The following ZC3H7A variants were observed in gnomAD, a reference collection of about 807,000 sequenced individuals.
ZC3H7A encodes the protein zinc finger CCCH-type containing 7A, also known as zinc finger CCCH domain-containing protein 7A.
Under a neutral mutation model 125.5 loss-of-function variants are expected in ZC3H7A, and 44 were observed. The ratio of observed to expected loss-of-function variants is 0.35; its 90% CI spans 0.28 to 0.45. ZC3H7A has a LOEUF of 0.45. ZC3H7A is among the 20% of genes least tolerant of loss of function. The pLI, the probability that ZC3H7A is intolerant of heterozygous loss-of-function variation, is 1.00. For missense variants in ZC3H7A, 977 were observed against 1,170.7 expected (o/e 0.83, Z 2.41); for synonymous variants, 399 against 391.2 (o/e 1.02, Z -0.23).
intron 9 of ZC3H7A, among the ~76,000 whole-genome samples, chr16:11,773,528 G>T (rs1451082201): frequency 6.6e-6 from 1 of 151,870 alleles, no homozygotes; most frequent in South Asian, 2.1e-4. Flanking sequence ...TAGCCTGTGG[G>T]CTACAGTTGG....
intron 20 of ZC3H7A, among the ~76,000 whole-genome samples, chr16:11,757,483 CAAAAA>C (rs61471026): frequency 2.2e-4 from 9 of 40,972 alleles, no homozygotes; most frequent in East Asian, 6.6e-4. Flanking sequence ...GACTCTGTCT[CAAAAA>C]AAAAAAAAAA....
chr16:11,766,108 A>C (rs926679132), intron 13 of ZC3H7A, among the ~76,000 whole-genome samples: 3 of 152,170 alleles, frequency 2.0e-5, no homozygotes, highest in African/African-American at 4.8e-5. Context: ...GAAAAAAAAA[A>C]AAATCATTTA....
intron 1 of ZC3H7A, among the ~76,000 whole-genome samples, chr16:11,791,801 G>A (rs1225626423): frequency 6.6e-6 from 1 of 152,176 alleles, no homozygotes; most frequent in Non-Finnish European, 1.5e-5. Flanking sequence ...TGGAGACAGC[G>A]ACGGAAAAAA....
intron 7 of ZC3H7A, chr16:11,775,569 A>C (rs1360760249): frequency 6.6e-6 from 1 of 152,256 alleles, no homozygotes; most frequent in Non-Finnish European, 1.5e-5. Flanking sequence ...AAGGCTATTC[A>C]GCAGAATAAC....
At chr16:11,755,718 C>G (rs1222189265) in intron 21 of ZC3H7A, among the ~76,000 whole-genome samples, 1 of 152,166 alleles carries the variant, frequency 6.6e-6, no homozygotes, top group African/African-American at 2.4e-5. Context: ...ACTTATGATT[C>G]TCTGGCTCCA....
In ZC3H7A at chr16:11,776,452, C is replaced by T; in HGVS notation, c.546G>A (p.Glu182=). The change falls in exon 6 of 23, where the codon GAG becomes GAA. Residue 182 remains glutamate (E), a splice_region_variant and synonymous_variant. Coordinates refer to ENST00000355758, the MANE Select transcript of ZC3H7A (RefSeq NM_014153.4). ...CCTTATGCAGAGAACTCCAGCTTAC[C>T]TCAGCTCTGACATACGCTTTTCTTA... The part of the protein sequence containing the change: ...FKIRKAYVRA[E]LSLKSVPGDG... The T allele has an allele frequency of 3.7e-6, 6 of 1,609,604 alleles. No homozygotes were observed. Among genetic ancestry groups the T allele is most frequent in the Non-Finnish European group, 5.1e-6 (6 of 1,178,790 alleles).
intron 1 of ZC3H7A, among the ~76,000 whole-genome samples, chr16:11,794,167 G>A (rs925143936): frequency 3.9e-5 from 6 of 152,132 alleles, no homozygotes; most frequent in South Asian, 2.1e-4. Context: ...ATACCACCAC[G>A]ATGTACCCAA....
In ZC3H7A at chr16:11,786,860, C is replaced by T. The variant is rs184121499; in HGVS notation, c.-34-4472G>A. Among the ~76,000 whole-genome samples, 46 of 152,272 alleles carry T rather than the reference C, an allele frequency of 3.0e-4. No individual in the cohort carries two copies. In the East Asian group the frequency reaches 6.7e-3, roughly 22 times the overall value. On this transcript the variant is annotated intron_variant, in intron 1 of 22. Coordinates refer to ENST00000355758, the MANE Select transcript of ZC3H7A (RefSeq NM_014153.4). ...GCCCATCTTTATCTATCTGCTCATC[C>T]TTCTGTTCATTCATCAGTCCGTCTT...
chr16:11,785,764 C>T (rs545808150), intron 1 of ZC3H7A, among the ~76,000 whole-genome samples: 39 of 152,260 alleles, frequency 2.6e-4, no homozygotes, highest in South Asian at 1.2e-3. Context: ...GGACTACAGG[C>T]GCCCGCCACC....
chr16:11,768,359 G>C lies in ZC3H7A; in HGVS notation c.1316C>G (p.Thr439Ser). ...SVTPRHPLEGTHELRQACQIC... is the reference protein window; with the variant it reads ...SVTPRHPLEGSHELRQACQIC... The stretch of plus-strand genomic sequence containing the variant: ...CTGGCAAGCTTGTCTCAATTCATGG[G>C]TTCCTTCGAGGGGATGTCTTGGAGT... Residue 439 changes from threonine (T) to serine (S), a missense_variant, in exon 12 of 23, where the codon ACC (threonine) becomes AGC (serine). Around this residue, in one of 3 missense-constraint regions of ZC3H7A, gnomAD observed 342 missense variants for 311.3 expected, o/e 1.10. Coordinates refer to ENST00000355758, the MANE Select transcript of ZC3H7A (RefSeq NM_014153.4). 6.3e-7 allele frequency: 1 copy of C among 1,584,248 alleles called. No individual in the cohort carries two copies. The highest frequency in any genetic ancestry group is 8.6e-7 in the Non-Finnish European group (1 of 1,161,676).
chr16:11,797,169 G>C lies in ZC3H7A; in HGVS notation c.-80C>G, dbSNP rs919276370. On this transcript the variant is annotated 5_prime_UTR_variant, in exon 1 of 23. Transcript: ENST00000355758. ...CCGGCGGCAGAAGGCAGGCGGAGGC[G>C]GGCGGCGGCAGGCGGGCAGCGGTGG... 6.5e-6 allele frequency: 1 copy of C among 154,672 alleles called. No individual in the cohort carries two copies. The highest frequency in any genetic ancestry group is 1.4e-5 in the Non-Finnish European group (1 of 71,740). 9.6% of individuals were successfully genotyped at this position (154,672 alleles called of 1,614,324 possible).
intron 19 of ZC3H7A, among the ~76,000 whole-genome samples, chr16:11,760,122 GAAA>G (rs66812605): frequency 1.7e-4 from 14 of 82,544 alleles, no homozygotes; most frequent in African/African-American, 3.2e-4. Flanking sequence ...AAGAAAAAAT[GAAA>G]AAAAAAAAAA....
At chr16:11,775,138 C>G (rs976667968) in intron 7 of ZC3H7A, 125 bp from the exon 8 acceptor site, 2 of 937,112 alleles carry the variant, frequency 2.1e-6, no homozygotes, top group Non-Finnish European at 3.3e-6. Flanking sequence ...CTGGGGAGGC[C>G]GAGACAGGCA....
chr16:11,790,832 C>A (rs533915143), intron 1 of ZC3H7A, among the ~76,000 whole-genome samples: 1 of 151,654 alleles, frequency 6.6e-6, no homozygotes, highest in Non-Finnish European at 1.5e-5. Context: ...GCCAAGATTG[C>A]GCCACTGCAC....
chr16:11,779,940 C>T (rs929132727), intron 3 of ZC3H7A, among the ~76,000 whole-genome samples: 5 of 151,834 alleles, frequency 3.3e-5, no homozygotes, highest in African/African-American at 9.7e-5. Flanking sequence ...AACTATTCCA[C>T]ATTTTTACGG....
intron 21 of ZC3H7A, among the ~76,000 whole-genome samples, chr16:11,755,072 G>A (rs1026336224): frequency 4.0e-5 from 6 of 151,102 alleles, no homozygotes; most frequent in Admixed American, 2.6e-4. Context: ...AGCCGGGCGT[G>A]GTGGCAGGCG....
In ZC3H7A at chr16:11,751,063, T is replaced by G. The variant is rs1015524086; in HGVS notation, c.*254A>C. 1 of 370,556 alleles carries G rather than the reference T, an allele frequency of 2.7e-6. No individual in the cohort carries two copies. Among genetic ancestry groups the G allele is most frequent in the South Asian group, 4.2e-5 (1 of 23,922 alleles). 23.0% of individuals were successfully genotyped at this position (370,556 alleles called of 1,614,324 possible). ...AACCTTATCCTCTTCCCCAACACAC[T>G]TCATCCAAAAGTCTGTTCAACAGAT... is the stretch of plus-strand genomic sequence containing the variant. On this transcript the variant is annotated 3_prime_UTR_variant, in exon 23 of 23. Transcript: ENST00000355758.
At chr16:11,781,516 T>C in intron 2 of ZC3H7A, 52 bp from the exon 3 acceptor site, 3 of 1,585,920 alleles carry the variant, frequency 1.9e-6, no homozygotes, top group South Asian at 1.1e-5. Flanking sequence ...TATCGGGACC[T>C]GTTCAGCCAG....
At chr16:11,769,281 G>C (rs1325899618) in intron 10 of ZC3H7A, among the ~76,000 whole-genome samples, 186 bp from the exon 11 acceptor site, 1 of 152,066 alleles carries the variant, frequency 6.6e-6, no homozygotes, top group Non-Finnish European at 1.5e-5. Flanking sequence ...TAGAAACCAA[G>C]GGCATAGTCA....
Sources: allele counts gnomAD v4.1 joint callset (sites outside exome capture counted in the v4.1 genomes callset), GRCh38; gene constraint gnomAD v4.1.1; regional missense constraint gnomAD v4.1.1; transcripts MANE v1.5; gene names NCBI Gene and HGNC (gene_info 2026-07-23, HGNC 2026-07-21).